The following IMMP2L variants were observed in gnomAD, a reference collection of about 807,000 sequenced individuals.
IMMP2L encodes the protein inner mitochondrial membrane peptidase subunit 2.
Under a neutral mutation model 19.3 loss-of-function variants are expected in IMMP2L, and 18 were observed. That is an observed-to-expected ratio of 0.93 (90% CI 0.64 to 1.38). IMMP2L has a LOEUF of 1.38. IMMP2L is among the 40% of genes most tolerant of loss of function. IMMP2L has a pLI of 0.00. For synonymous variants in IMMP2L, 76 were observed against 73.0 expected, an observed-to-expected ratio of 1.04 and a Z score of -0.21; for missense variants, 233 against 218.2, an observed-to-expected ratio of 1.07 and a Z score of -0.43.
intron 4 of IMMP2L, among the ~76,000 whole-genome samples, chr7:110,946,110 C>T (rs1215844686): frequency 5.3e-5 from 8 of 152,192 alleles, no homozygotes; most frequent in Non-Finnish European, 8.8e-5. Flanking sequence ...TTTCAGCATG[C>T]ATCAGAATCA....
chr7:111,276,641 G>GA (rs1212928126), intron 3 of IMMP2L, among the ~76,000 whole-genome samples: 118 of 132,064 alleles, frequency 8.9e-4, no homozygotes, highest in Middle Eastern at 8.1e-3. Context: ...ATGTGGAACC[G>GA]AAAAAAAAAA....
Position 110,663,666 on chromosome 7 carries a change from C to A in IMMP2L, c.464G>T (p.Arg155Leu), listed in dbSNP as rs536441357. ...HATHILWPPE[R>L]WQKLESVLPP... ...AAGAACAGATTCCAATTTCTGCCAG[C>A]GCTCTGGGGGCCACAGGATATGTGT... Residue 155 changes from arginine to leucine, a missense_variant, in exon 6 of 6, where the codon CGC becomes CTC. Transcript: ENST00000405709. 2 of 1,609,918 alleles carry A rather than the reference C, an allele frequency of 1.2e-6. No individual in the cohort carries two copies. Among genetic ancestry groups the A allele is most frequent in the African/African-American group, 1.3e-5 (1 of 74,720 alleles).
chr7:111,396,179 A>AT (rs1314650898), intron 3 of IMMP2L, among the ~76,000 whole-genome samples: 10 of 152,170 alleles, frequency 6.6e-5, no homozygotes, highest in African/African-American at 9.7e-5. Flanking sequence ...AGACACATGG[A>AT]TATGTATGTT....
chr7:110,666,564 G>A (rs575372116), intron 5 of IMMP2L, among the ~76,000 whole-genome samples: 7 of 152,040 alleles, frequency 4.6e-5, no homozygotes, highest in South Asian at 4.2e-4. Flanking sequence ...GTGAGCCACC[G>A]TGCCTGGCCA....
intron 5 of IMMP2L, among the ~76,000 whole-genome samples, chr7:110,680,907 C>G (rs1376849389): frequency 6.6e-6 from 1 of 152,118 alleles, no homozygotes; most frequent in East Asian, 1.9e-4. Context: ...CAATCGCCAT[C>G]CTCCCTGCCT....
intron 3 of IMMP2L, among the ~76,000 whole-genome samples, chr7:110,994,815 C>T (rs1317571846): frequency 2.6e-5 from 4 of 152,138 alleles, no homozygotes; most frequent in Admixed American, 2.0e-4. Context: ...TAAGGTGTGA[C>T]TCACAGGATA....
intron 1 of IMMP2L, among the ~76,000 whole-genome samples, chr7:111,536,474 T>A (rs1847896455): frequency 1.3e-5 from 2 of 151,948 alleles, no homozygotes; most frequent in South Asian, 4.2e-4. Context: ...CCTGGCTAAT[T>A]TTTTATATTT....
intron 3 of IMMP2L, among the ~76,000 whole-genome samples, chr7:111,302,889 A>G (rs1381833658): frequency 2.0e-5 from 3 of 152,114 alleles, no homozygotes; most frequent in African/African-American, 4.8e-5. Flanking sequence ...TTCTGGGGCT[A>G]CCACATCCCT....
chr7:110,684,375 A>C (rs1283618162), intron 5 of IMMP2L, among the ~76,000 whole-genome samples: 1 of 152,080 alleles, frequency 6.6e-6, no homozygotes, highest in East Asian at 1.9e-4. Flanking sequence ...ATAATGACAG[A>C]GACAAATTAA....
intron 5 of IMMP2L, among the ~76,000 whole-genome samples, chr7:110,677,609 T>A (rs1792407732): frequency 6.6e-6 from 1 of 152,034 alleles, no homozygotes; most frequent in Admixed American, 6.6e-5. Flanking sequence ...GACAACCTGA[T>A]AAGAGCAAAG....
At chr7:111,442,376 T>C (rs981234187) in intron 3 of IMMP2L, among the ~76,000 whole-genome samples, 1 of 151,824 alleles carries the variant, frequency 6.6e-6, no homozygotes, top group Admixed American at 6.6e-5. Context: ...ATTTCAATCA[T>C]TGGAAGTAGC....
At chr7:111,508,169 T>C (rs1845109091) in intron 2 of IMMP2L, among the ~76,000 whole-genome samples, 1 of 152,036 alleles carries the variant, frequency 6.6e-6, no homozygotes, top group Non-Finnish European at 1.5e-5. Flanking sequence ...AAAGATAGTT[T>C]ATATTTTAAA....
intron 5 of IMMP2L, among the ~76,000 whole-genome samples, chr7:110,885,206 A>G (rs1458171826): frequency 2.6e-5 from 4 of 151,890 alleles, no homozygotes; most frequent in Non-Finnish European, 4.4e-5. Context: ...TATTTGCACT[A>G]TACTTACTGG....
intron 3 of IMMP2L, among the ~76,000 whole-genome samples, chr7:111,160,723 T>C (rs1386137593): frequency 1.3e-5 from 2 of 149,938 alleles, no homozygotes; most frequent in African/African-American, 4.9e-5. Context: ...TAAAGAAATA[T>C]AAAGTAAAAG....
At chr7:110,940,145 C>T (rs1042549827) in intron 4 of IMMP2L, among the ~76,000 whole-genome samples, 1 of 151,766 alleles carries the variant, frequency 6.6e-6, no homozygotes, top group African/African-American at 2.4e-5. Flanking sequence ...AGTGAAACCC[C>T]GTCCCTACTA....
intron 5 of IMMP2L, among the ~76,000 whole-genome samples, chr7:110,743,488 A>G (rs1009215522): frequency 9.2e-5 from 14 of 152,214 alleles, no homozygotes; most frequent in African/African-American, 3.1e-4. Context: ...CAAGATGGCC[A>G]AATAGCAACA....
intron 3 of IMMP2L, among the ~76,000 whole-genome samples, chr7:111,473,183 T>C (rs2132124094): frequency 6.6e-6 from 1 of 152,144 alleles, no homozygotes; most frequent in East Asian, 1.9e-4. Context: ...ATGGTGAAAA[T>C]CTAGCTAATA....
At chr7:110,989,280 T>A (rs1318834168) in intron 3 of IMMP2L, among the ~76,000 whole-genome samples, 1 of 151,898 alleles carries the variant, frequency 6.6e-6, no homozygotes, top group Non-Finnish European at 1.5e-5. Context: ...CTCATGCCTA[T>A]AATCTCAACA....
intron 5 of IMMP2L, among the ~76,000 whole-genome samples, chr7:110,841,184 T>G (rs540025490): frequency 3.3e-5 from 5 of 152,000 alleles, no homozygotes; most frequent in African/African-American, 1.2e-4. Context: ...ATTGTATACA[T>G]TTAAGGTGCA....
Sources: gnomAD v4.1 joint callset for allele counts (sites outside exome capture counted in the v4.1 genomes callset) on GRCh38, gnomAD v4.1.1 for gene constraint, MANE v1.5 for transcripts, NCBI Gene and HGNC (gene_info 2026-07-23, HGNC 2026-07-21) for gene names.